The following RCL1 variants were observed in gnomAD, a reference collection of about 807,000 sequenced individuals.
RCL1 encodes the protein RNA terminal phosphate cyclase like 1.
RCL1 carries 24 observed loss-of-function variants against 42.4 expected under a neutral mutation model. The ratio of observed to expected loss-of-function variants is 0.57; its 90% confidence interval spans 0.41 to 0.80. The LOEUF is 0.80. RCL1 is among the 30% of genes least tolerant of loss of function. The pLI is 0.00. For synonymous variants in RCL1, 228 were observed against 177.3 expected (o/e 1.29, Z -2.27); for missense variants, 578 against 467.9 (o/e 1.24, Z -2.17).
At chr9:4,812,133 T>C (rs1042519504) in intron 1 of RCL1, among the ~76,000 whole-genome samples, 2 of 152,150 alleles carry the variant, frequency 1.3e-5, no homozygotes, top group African/African-American at 2.4e-5. Context: ...TTTTCTTTCA[T>C]AGCTTCACTC....
chr9:4,839,215 G>C (rs1284394392), intron 5 of RCL1, among the ~76,000 whole-genome samples: 1 of 152,210 alleles, frequency 6.6e-6, no homozygotes, highest in Non-Finnish European at 1.5e-5. Flanking sequence ...CTGAGTTCTA[G>C]TATAGGATTC....
At chr9:4,813,558 G>A (rs1373647133) in intron 1 of RCL1, among the ~76,000 whole-genome samples, 5 of 152,210 alleles carry the variant, frequency 3.3e-5, no homozygotes, top group African/African-American at 9.7e-5. Context: ...AAGAGGATGT[G>A]AAGAAATAGG....
chr9:4,830,141 T>G (rs952457492), intron 3 of RCL1, among the ~76,000 whole-genome samples: 1 of 152,164 alleles, frequency 6.6e-6, no homozygotes, highest in African/African-American at 2.4e-5. Flanking sequence ...TTTGCCAGAG[T>G]TGAGTCAGAC....
intron 1 of RCL1, among the ~76,000 whole-genome samples, chr9:4,816,323 A>T (rs554536914): frequency 6.6e-6 from 1 of 152,174 alleles, no homozygotes; most frequent in Non-Finnish European, 1.5e-5. Flanking sequence ...ACAATACTTC[A>T]TAGTTTTAAT....
intron 8 of RCL1, among the ~76,000 whole-genome samples, chr9:4,856,705 A>G (rs1356369818): frequency 3.3e-5 from 5 of 152,264 alleles, no homozygotes; most frequent in African/African-American, 1.2e-4. Flanking sequence ...AAGTTGACAA[A>G]TGGGATGTTA....
chr9:4,803,015 C>CTTT (rs763759057), intron 1 of RCL1, among the ~76,000 whole-genome samples: 9 of 142,088 alleles, frequency 6.3e-5, no homozygotes, highest in African/African-American at 2.1e-4. Flanking sequence ...TTCCTTTTTC[C>CTTT]TTTTTTTTTT....
At chr9:4,828,350 T>A (rs1403588875) in intron 3 of RCL1, among the ~76,000 whole-genome samples, 3 of 152,130 alleles carry the variant, frequency 2.0e-5, no homozygotes, top group Non-Finnish European at 4.4e-5. Flanking sequence ...AAGTAGAGAT[T>A]GCTGGTATTC....
At chr9:4,818,173 G>A (rs969820225) in intron 1 of RCL1, among the ~76,000 whole-genome samples, 6 of 150,948 alleles carry the variant, frequency 4.0e-5, no homozygotes, top group African/African-American at 1.2e-4. Context: ...CACCCGCCTC[G>A]GCCTCCCATA....
At chr9:4,823,476 G>C in intron 1 of RCL1, 72 bp from the exon 2 acceptor site, 2 of 1,182,012 alleles carry the variant, frequency 1.7e-6, no homozygotes, top group Non-Finnish European at 2.5e-6. Flanking sequence ...TCAGGCATGT[G>C]CTCTGGAAAT....
At chr9:4,827,630 A>G (rs2131005313) in intron 3 of RCL1, among the ~76,000 whole-genome samples, 3 of 152,122 alleles carry the variant, frequency 2.0e-5, no homozygotes, top group Middle Eastern at 6.8e-3. Flanking sequence ...CAAGCTTTTT[A>G]TTAAACATGC....
Position 4,793,169 on chromosome 9 carries a change from C to T in RCL1, c.78C>T (p.Ser26=), listed in dbSNP as rs749741634. 10 of 1,611,244 alleles carry T rather than the reference C, an allele frequency of 6.2e-6. No homozygotes were observed. In the Admixed American group the frequency reaches 1.7e-4, roughly 27 times the overall value. The change falls in exon 1 of 9, where the codon AGC becomes AGT. Residue 26 remains serine (S), a synonymous_variant. Transcript: ENST00000381750. ...AACGTCTGGTCCTGTCTACCCTGAG[C>T]GGGCGCCCCGTCAAAATCCGAAAGA... ...LRQRLVLSTL[S]GRPVKIRKIR...
At chr9:4,804,005 A>C (rs1843051674) in intron 1 of RCL1, 1 of 152,512 alleles carries the variant, frequency 6.6e-6, no homozygotes, top group South Asian at 2.1e-4. Flanking sequence ...CTGTCTGTGT[A>C]GGTTTTGCCG....
intron 1 of RCL1, among the ~76,000 whole-genome samples, chr9:4,812,243 C>T (rs1360512280): frequency 6.6e-6 from 1 of 152,108 alleles, no homozygotes. Context: ...GAGGTCTTCT[C>T]CAGAAAATGT....
chr9:4,793,553 G>A (rs1303594939), intron 1 of RCL1, among the ~76,000 whole-genome samples: 1 of 152,314 alleles, frequency 6.6e-6, no homozygotes, highest in Non-Finnish European at 1.5e-5. Flanking sequence ...TCTTGCCCTC[G>A]CCATAAACCT....
At chr9:4,804,072 G>A (rs1186436297) in intron 1 of RCL1, 1 of 152,392 alleles carries the variant, frequency 6.6e-6, no homozygotes, top group East Asian at 1.9e-4. Flanking sequence ...GCTCCTCCAA[G>A]ATGCAGGAAC....
intron 1 of RCL1, among the ~76,000 whole-genome samples, chr9:4,806,246 C>T (rs1302877293): frequency 1.3e-5 from 2 of 151,960 alleles, no homozygotes; most frequent in East Asian, 3.9e-4. Context: ...TGCCTTATTG[C>T]ACTGGCTAGA....
intron 5 of RCL1, 57 bp downstream of exon 5, chr9:4,834,322 A>T (rs1817050204): frequency 1.9e-6 from 3 of 1,556,822 alleles, no homozygotes; most frequent in Non-Finnish European, 2.6e-6. Flanking sequence ...CCTCACTAAG[A>T]TAAGAATGAC....
chr9:4,841,546 C>T (rs557543455), intron 6 of RCL1, among the ~76,000 whole-genome samples, 189 bp downstream of exon 6: 1 of 152,226 alleles, frequency 6.6e-6, no homozygotes, highest in Admixed American at 6.5e-5. Context: ...GAAAGCATCC[C>T]AGTGGCTAGA....
intron 1 of RCL1, among the ~76,000 whole-genome samples, chr9:4,811,922 T>A (rs1816191866): frequency 6.6e-6 from 1 of 152,180 alleles, no homozygotes; most frequent in Non-Finnish European, 1.5e-5. Flanking sequence ...CTCATTGGGG[T>A]TTTGATTTGC....
Sources: allele counts gnomAD v4.1 joint callset (sites outside exome capture counted in the v4.1 genomes callset), GRCh38; gene constraint gnomAD v4.1.1; transcripts MANE v1.5; gene names NCBI Gene and HGNC (gene_info 2026-07-23, HGNC 2026-07-21).